The following ERICH3 variants were observed in gnomAD, a reference collection of about 807,000 sequenced individuals.
ERICH3 encodes glutamate rich 3, also known as glutamate-rich protein 3.
ERICH3 carries 126 observed loss-of-function variants against 131.1 expected under a neutral mutation model. The ratio of observed to expected loss-of-function variants is 0.96; its 90% CI spans 0.83 to 1.11. The LOEUF (loss-of-function observed/expected upper bound fraction) is 1.11. ERICH3 is among the 50% of genes most tolerant of loss of function. The probability of loss-of-function intolerance (pLI) is 0.00; values close to 1 mark genes in which losing one functional copy is unlikely to be tolerated. For synonymous variants in ERICH3, 695 were observed against 644.6 expected (o/e 1.08, Z -1.18); for missense variants, 2,050 against 1,810.7 (o/e 1.13, Z -2.40).
Position 74,572,903 on chromosome 1 carries a change from C to A in ERICH3, c.2807G>T (p.Gly936Val). The A allele has an allele frequency of 6.2e-7, 1 of 1,614,014 alleles. No individual in the cohort carries two copies. The highest frequency in any genetic ancestry group is 8.5e-7 in the Non-Finnish European group (1 of 1,180,004). Reference protein sequence around the residue: ...ATSEEGEAEGGVAVSDVGESE... With the variant: ...ATSEEGEAEGVVAVSDVGESE... ...TTCTCCGACATCACTCACAGCCACC[C>A]CACCCTCAGCCTCTCCCTCCTCCGA... is the stretch of plus-strand genomic sequence containing the variant. The change falls in exon 14 of 15, where the codon GGG becomes GTG. Residue 936 changes from glycine (G) to valine (V), a missense_variant. Coordinates refer to ENST00000326665, the MANE Select transcript of ERICH3 (RefSeq NM_001002912.5).
chr1:74,631,594 T>C, intron 7 of ERICH3, 119 bp downstream of exon 7: 2 of 802,146 alleles, frequency 2.5e-6, no homozygotes, highest in Non-Finnish European at 4.0e-6. Context: ...ATTGTATTTC[T>C]TTACACACAA....
At chr1:74,641,882 T>C (rs1353003084) in intron 4 of ERICH3, among the ~76,000 whole-genome samples, 2 of 152,108 alleles carry the variant, frequency 1.3e-5, no homozygotes, top group Non-Finnish European at 2.9e-5. Context: ...AAGTGAAAAT[T>C]GTTCAAATAA....
intron 6 of ERICH3, chr1:74,634,833 C>T: frequency 1.7e-6 from 1 of 590,490 alleles, no homozygotes; most frequent in Non-Finnish European, 3.0e-6. Flanking sequence ...AGCCCATTCC[C>T]AAGATGAGAT....
chr1:74,615,603 A>G (rs1648921529), intron 8 of ERICH3, among the ~76,000 whole-genome samples: 1 of 152,220 alleles, frequency 6.6e-6, no homozygotes, highest in Non-Finnish European at 1.5e-5. Context: ...CAAAATTAAT[A>G]TATCAGTCTT....
intron 9 of ERICH3, among the ~76,000 whole-genome samples, chr1:74,608,407 G>T (rs1043625903): frequency 2.0e-5 from 3 of 151,838 alleles, no homozygotes; most frequent in African/African-American, 7.3e-5. Flanking sequence ...CAGGTGAAAG[G>T]GATCAGAAAG....
chr1:74,573,284 A>G lies in ERICH3; in HGVS notation c.2426T>C (p.Leu809Ser). ...GEAGAVHEAP[L>S]RAWKPTAEQP... ...CTCTGCTGTTGGCTTCCACGCCCTC[A>G]AGGGAGCCTCATGAACAGCTCCTGC... The change falls in exon 14 of 15, where the codon TTG becomes TCG. Residue 809 changes from leucine (L) to serine (S), a missense_variant. Physicochemically the swap from Leu to Ser is moderately radical, Grantham distance 145 (BLOSUM62 -2). Transcript: ENST00000326665. 6.3e-7 allele frequency: 1 copy of G among 1,599,450 alleles called. No individual in the cohort carries two copies. The highest frequency in any genetic ancestry group is 8.5e-7 in the Non-Finnish European group (1 of 1,174,108).
chr1:74,572,110 C>T lies in ERICH3; in HGVS notation c.3600G>A (p.Glu1200=). 2 of 1,614,228 alleles carry T rather than the reference C, an allele frequency of 1.2e-6. No homozygotes were observed. The highest frequency in any genetic ancestry group is 1.7e-6 in the Non-Finnish European group (2 of 1,180,042). ...GGTGCCCTTCCTTCAGGGCCCTATT[C>T]TCCCTGCTGGACAGCTCTTCTCTGT... ...HKDREELSSR[E]NRALKEGHRQ... The change falls in exon 14 of 15, where the codon GAG becomes GAA. Residue 1200 remains glutamate, a synonymous_variant. Transcript: ENST00000326665.
rs1404641928 is a variant in ERICH3, at chr1:74,572,245, G to A, written c.3465C>T (p.Pro1155=). The A allele has an allele frequency of 1.2e-6, 2 of 1,614,044 alleles. No individual in the cohort carries two copies. Among genetic ancestry groups the A allele is most frequent in the Non-Finnish European group, 1.7e-6 (2 of 1,180,006 alleles). ...CAAATCCAGGCGTTGCTTCAAATAT[G>A]GGAACCACTGTCTCTTTTAGTGAAT... ...GEDSLKETVV[P]IFEATPGFEK... is the part of the protein sequence containing the mutation. The change falls in exon 14 of 15, where the codon CCC becomes CCT. Residue 1155 remains proline (P), a synonymous_variant. Coordinates refer to ENST00000326665, the MANE Select transcript of ERICH3 (RefSeq NM_001002912.5).
intron 12 of ERICH3, among the ~76,000 whole-genome samples, chr1:74,583,336 A>G (rs1647212430): frequency 6.6e-6 from 1 of 152,300 alleles, no homozygotes; most frequent in African/African-American, 2.4e-5. Context: ...CTCTATATAT[A>G]CTATGCTTTT....
intron 7 of ERICH3, among the ~76,000 whole-genome samples, chr1:74,630,591 A>C (rs1412783817): frequency 1.3e-5 from 2 of 152,162 alleles, no homozygotes; most frequent in Non-Finnish European, 2.9e-5. Context: ...TTGTTAGACT[A>C]AGCTCCAGTA....
chr1:74,655,333 A>G (rs1180469437), intron 1 of ERICH3, among the ~76,000 whole-genome samples: 3 of 152,162 alleles, frequency 2.0e-5, no homozygotes, highest in African/African-American at 7.2e-5. Flanking sequence ...ATTCTCTTAC[A>G]GCTCTGGAGG....
At chr1:74,576,230 C>T (rs1206191451) in intron 13 of ERICH3, among the ~76,000 whole-genome samples, 3 of 152,084 alleles carry the variant, frequency 2.0e-5, no homozygotes, top group Non-Finnish European at 4.4e-5. Context: ...TAAAGAAAGC[C>T]CTAATAATCT....
intron 12 of ERICH3, among the ~76,000 whole-genome samples, chr1:74,583,533 C>G (rs1647216915): frequency 6.6e-6 from 1 of 151,998 alleles, no homozygotes; most frequent in Non-Finnish European, 1.5e-5. Context: ...ACTGTACTCA[C>G]CTATTTTCAG....
intron 11 of ERICH3, among the ~76,000 whole-genome samples, chr1:74,598,213 T>C (rs1647946738): frequency 6.6e-6 from 1 of 151,936 alleles, no homozygotes; most frequent in African/African-American, 2.4e-5. Flanking sequence ...AAATCATTGA[T>C]TCAACTTATG....
intron 10 of ERICH3, among the ~76,000 whole-genome samples, chr1:74,603,017 A>G (rs893734121): frequency 4.3e-4 from 66 of 151,846 alleles, no homozygotes; most frequent in African/African-American, 1.6e-3. Flanking sequence ...GTCTAGTGCT[A>G]TAACAGCCCT....
Position 74,636,282 on chromosome 1 carries a change from C to A in ERICH3, c.601G>T (p.Gly201Trp). The A allele has an allele frequency of 6.3e-7, 1 of 1,598,170 alleles. No individual in the cohort carries two copies. Among genetic ancestry groups the A allele is most frequent in the African/African-American group, 1.3e-5 (1 of 74,408 alleles). Reference protein sequence around the residue: ...LLENEALFPIGGKKAVMKFRN... With the variant: ...LLENEALFPIWGKKAVMKFRN... Reference sequence around the variant, plus strand: ...TTATTGATAAAAATAACATTTACCCCAATGGGAAACAGAGCTTCATTTTCC... The same window carrying A: ...TTATTGATAAAAATAACATTTACCCAAATGGGAAACAGAGCTTCATTTTCC... Residue 201 changes from glycine (G) to tryptophan (W), a missense_variant and splice_region_variant, in exon 6 of 15, where the codon GGG becomes TGG. Gly to Trp is a radical substitution (Grantham distance 184, BLOSUM62 -2). Coordinates refer to ENST00000326665, the MANE Select transcript of ERICH3 (RefSeq NM_001002912.5).
chr1:74,604,971 T>C (rs1003658613), intron 10 of ERICH3, among the ~76,000 whole-genome samples: 2 of 151,970 alleles, frequency 1.3e-5, no homozygotes, highest in African/African-American at 4.8e-5. Context: ...TAGCTATGAA[T>C]GTCCTAGATG....
intron 11 of ERICH3, among the ~76,000 whole-genome samples, chr1:74,597,758 A>G (rs754812778): frequency 1.3e-5 from 2 of 152,042 alleles, no homozygotes; most frequent in South Asian, 4.1e-4. Flanking sequence ...TAAAAAAATC[A>G]ACTCAAGATG....
At chr1:74,659,888 G>A (rs1646623872) in intron 1 of ERICH3, among the ~76,000 whole-genome samples, 1 of 152,108 alleles carries the variant, frequency 6.6e-6, no homozygotes, top group African/African-American at 2.4e-5. Context: ...CTAAGAAGCA[G>A]GGAAATCATA....
Sources: gnomAD v4.1 joint callset for allele counts (sites outside exome capture counted in the v4.1 genomes callset) on GRCh38, gnomAD v4.1.1 for gene constraint, MANE v1.5 for transcripts, NCBI Gene and HGNC (gene_info 2026-07-23, HGNC 2026-07-21) for gene names.